PRKAG2: variants seen among roughly 807,000 people sequenced by gnomAD.
PRKAG2 encodes the protein protein kinase AMP-activated non-catalytic subunit gamma 2.
Under a neutral mutation model 69.6 loss-of-function variants are expected in PRKAG2, and 26 were observed. The observed-to-expected ratio is 0.37, with a 90% CI of 0.27 to 0.52. The LOEUF (loss-of-function observed/expected upper bound fraction) is 0.52, where lower values mean the gene tolerates loss of function less well. PRKAG2 is among the 20% of genes least tolerant of loss of function. The probability of loss-of-function intolerance (pLI) is 0.90; values close to 1 mark genes in which losing one functional copy is unlikely to be tolerated. For synonymous variants in PRKAG2, 293 were observed against 285.0 expected, an observed-to-expected ratio of 1.03 and a Z score of -0.28; for missense variants, 557 against 740.0, an observed-to-expected ratio of 0.75 and a Z score of 2.87.
intron 3 of PRKAG2, among the ~76,000 whole-genome samples, chr7:151,753,491 T>C (rs1401866361): frequency 1.3e-5 from 2 of 152,184 alleles, no homozygotes; most frequent in East Asian, 3.9e-4. Flanking sequence ...AATGCTAACA[T>C]CGGGCAATCT....
chr7:151,562,093 A>T (rs1297747067), intron 14 of PRKAG2, among the ~76,000 whole-genome samples: 3 of 149,614 alleles, frequency 2.0e-5, no homozygotes, highest in Non-Finnish European at 4.4e-5. Flanking sequence ...AAAACCACAA[A>T]AATTAGCTGG....
chr7:151,604,723 T>C (rs1817091304), intron 5 of PRKAG2, among the ~76,000 whole-genome samples: 1 of 151,218 alleles, frequency 6.6e-6, no homozygotes, highest in African/African-American at 2.5e-5. Flanking sequence ...TATTTTTTCC[T>C]TAATGCCCTG....
chr7:151,704,881 T>C (rs1440219305), intron 3 of PRKAG2, among the ~76,000 whole-genome samples: 2 of 152,124 alleles, frequency 1.3e-5, no homozygotes, highest in East Asian at 3.9e-4. Flanking sequence ...TGAACCCAAG[T>C]GTAACCACTA....
intron 2 of PRKAG2, among the ~76,000 whole-genome samples, chr7:151,783,499 T>C (rs963564028): frequency 1.9e-5 from 2 of 105,744 alleles, no homozygotes; most frequent in African/African-American, 7.7e-5. Context: ...CATGCCCAGC[T>C]GATTTTTTTT....
At chr7:151,696,211 A>G (rs1287509502) in intron 3 of PRKAG2, among the ~76,000 whole-genome samples, 1 of 152,166 alleles carries the variant, frequency 6.6e-6, no homozygotes, top group South Asian at 2.1e-4. Flanking sequence ...AATTCAGCGC[A>G]TGATACTGGC....
At chr7:151,743,450 G>A (rs934971305) in intron 3 of PRKAG2, among the ~76,000 whole-genome samples, 9 of 152,212 alleles carry the variant, frequency 5.9e-5, no homozygotes, top group African/African-American at 2.2e-4. Context: ...TTCAACGTGT[G>A]TTCTTTACGT....
intron 3 of PRKAG2, among the ~76,000 whole-genome samples, chr7:151,779,246 G>C (rs1351044934): frequency 1.3e-5 from 2 of 152,252 alleles, no homozygotes; most frequent in African/African-American, 4.8e-5. Context: ...TTCCCAGGCT[G>C]AACAGTGGAC....
intron 1 of PRKAG2, among the ~76,000 whole-genome samples, chr7:151,855,321 C>A (rs1586729405): frequency 2.7e-3 from 1 of 376 alleles, no homozygotes; most frequent in African/African-American, 0.017. Flanking sequence ...CACCACCCTC[C>A]CACACACCGC....
At chr7:151,648,900 C>A (rs1827993236) in intron 4 of PRKAG2, among the ~76,000 whole-genome samples, 1 of 119,236 alleles carries the variant, frequency 8.4e-6, no homozygotes, top group Non-Finnish European at 1.7e-5. Flanking sequence ...GAGAGAGGAC[C>A]AGGATTTTTT....
At position 151,560,579 on chromosome 7, in the gene PRKAG2, A is replaced by G. The variant is rs28763998; in HGVS notation, c.1623T>C (p.Ile541=). The change falls in exon 15 of 16, where the codon ATT becomes ATC. Residue 541 remains isoleucine, a synonymous_variant. Coordinates refer to ENST00000287878, the MANE Select transcript of PRKAG2 (RefSeq NM_016203.4). Reference sequence around the variant, plus strand: ...TGTCCGACAGGGAAATAATACCCACAATACTATCTGCTTCATTTACCACCA... The same window carrying G: ...TGTCCGACAGGGAAATAATACCCACGATACTATCTGCTTCATTTACCACCA... ...RLVVVNEADS[I]VGIISLSDIL... 7.0e-3 allele frequency: 11,337 copies of G among 1,613,902 alleles called. 654 individuals carry two copies. The African/African-American group carries it at 0.13, about 19-fold the overall frequency.
At chr7:151,871,363 G>T (rs1299981126) in intron 1 of PRKAG2, among the ~76,000 whole-genome samples, 1 of 152,226 alleles carries the variant, frequency 6.6e-6, no homozygotes, top group Non-Finnish European at 1.5e-5. Flanking sequence ...GCCAAGGCGG[G>T]ATGCCAACAG....
At chr7:151,817,865 A>G (rs924624657) in intron 1 of PRKAG2, among the ~76,000 whole-genome samples, 1 of 152,196 alleles carries the variant, frequency 6.6e-6, no homozygotes, top group Non-Finnish European at 1.5e-5. Flanking sequence ...GGCTCCGTAC[A>G]GCACATCCTA....
At chr7:151,759,761 A>T (rs1446817580) in intron 3 of PRKAG2, among the ~76,000 whole-genome samples, 1 of 152,224 alleles carries the variant, frequency 6.6e-6, no homozygotes, top group Non-Finnish European at 1.5e-5. Context: ...CAGAAAAACC[A>T]GAGGTGGGCT....
At position 151,638,537 on chromosome 7, in the gene PRKAG2, G is replaced by A. The variant is rs1307057385; in HGVS notation, c.685-6399C>T. 6.6e-6 allele frequency among the ~76,000 whole-genome samples: 1 copy of A among 152,114 alleles called. No homozygotes were observed. Among genetic ancestry groups the A allele is most frequent in the African/African-American group, 2.4e-5 (1 of 41,406 alleles). On this transcript the variant is annotated intron_variant, in intron 4 of 15. Coordinates refer to ENST00000287878, the MANE Select transcript of PRKAG2 (RefSeq NM_016203.4). The surrounding 1 kb of genome is among the most constrained non-coding windows in gnomAD (Gnocchi z 4.3). Reference sequence around the variant, plus strand: ...TAGTCCCAGCTACTCGGGAGGCTGAGGCAGGAGAATCGCTTGAACCCAGGA... The same window carrying A: ...TAGTCCCAGCTACTCGGGAGGCTGAAGCAGGAGAATCGCTTGAACCCAGGA...
Position 151,632,595 on chromosome 7 carries a change from C to T in PRKAG2, c.685-457G>A. The T allele has an allele frequency of 1.0e-6, 1 of 984,178 alleles. No individual in the cohort carries two copies. The highest frequency in any genetic ancestry group is 1.2e-6 in the Non-Finnish European group (1 of 829,062). 61.0% of individuals were successfully genotyped at this position (984,178 alleles called of 1,614,324 possible). The stretch of plus-strand genomic sequence containing the variant: ...CCTTCCCAGCACCGGCGGCCGCGCT[C>T]GGCAGGCTCCACCTGCGCAGGTGTG... On this transcript the variant is annotated intron_variant, in intron 4 of 15. Transcript: ENST00000287878. This position sits in a 1 kb window ranked among gnomAD's most constrained non-coding sequence, Gnocchi z 4.2.
intron 5 of PRKAG2, among the ~76,000 whole-genome samples, chr7:151,626,440 T>C (rs963842889): frequency 2.0e-5 from 3 of 152,286 alleles, no homozygotes; most frequent in Admixed American, 1.3e-4. Context: ...TTTCATACAA[T>C]TGTAACTACT....
At chr7:151,751,500 A>ATTATTTAT (rs111268091) in intron 3 of PRKAG2, among the ~76,000 whole-genome samples, 49 of 150,242 alleles carry the variant, frequency 3.3e-4, no homozygotes, top group Non-Finnish European at 4.7e-4. Flanking sequence ...TACTCTATTT[A>ATTATTTAT]TTATTTATTT....
chr7:151,808,142 G>A lies in PRKAG2; in HGVS notation c.115-21601C>T, dbSNP rs1236689025. On this transcript the variant is annotated intron_variant, in intron 1 of 15. Coordinates refer to ENST00000287878, the MANE Select transcript of PRKAG2 (RefSeq NM_016203.4). ...TCACTGCACTCCAGACTTTGTCAAA[G>A]TGGTGGCAGCTGAGTCCAGCACCAG... Among the ~76,000 whole-genome samples the A allele has an allele frequency of 4.6e-5, 7 of 152,182 alleles. No homozygotes were observed. The South Asian group carries it at 1.0e-3, about 22-fold the overall frequency.
chr7:151,875,794 G>C (rs1483906108), intron 1 of PRKAG2, among the ~76,000 whole-genome samples: 8 of 152,054 alleles, frequency 5.3e-5, no homozygotes, highest in African/African-American at 1.9e-4. Context: ...TGAAGCCGCA[G>C]GCAGATCCGA....
Sources: gnomAD v4.1 joint callset for allele counts (sites outside exome capture counted in the v4.1 genomes callset) on GRCh38, gnomAD v4.1.1 for gene constraint, Gnocchi (gnomAD v3.1) non-coding constraint, MANE v1.5 for transcripts, NCBI Gene and HGNC (gene_info 2026-07-23, HGNC 2026-07-21) for gene names.